Variants in PTPRN2 observed in about 807,000 individuals in gnomAD.
PTPRN2 encodes the protein protein tyrosine phosphatase receptor type N2, also known as receptor-type tyrosine-protein phosphatase N2.
PTPRN2 carries 74 observed loss-of-function variants against 118.8 expected under a neutral mutation model. The observed-to-expected ratio is 0.62, with a 90% confidence interval of 0.52 to 0.76. The LOEUF is 0.76. Among genes scored for constraint, PTPRN2 ranks in the 30% least tolerant of loss-of-function variants. The pLI is 0.00. For missense variants in PTPRN2, 1,481 were observed against 1,394.4 expected, an observed-to-expected ratio of 1.06 and a Z score of -0.99; for synonymous variants, 641 against 608.0, an observed-to-expected ratio of 1.05 and a Z score of -0.80.
intron 14 of PTPRN2, among the ~76,000 whole-genome samples, chr7:157,634,135 CA>C (rs150360636): frequency 0.017 from 2,637 of 152,290 alleles, 98 homozygotes; most frequent in African/African-American, 0.061. Flanking sequence ...CTTCCTCACA[CA>C]CCTAAGTTGT....
chr7:157,636,042 A>G (rs1804298008), intron 14 of PTPRN2, among the ~76,000 whole-genome samples: 1 of 152,220 alleles, frequency 6.6e-6, no homozygotes, highest in South Asian at 2.1e-4. Context: ...CCACTAAAAC[A>G]TTTTCTTCAA....
chr7:158,329,506 T>C (rs1044132594), intron 2 of PTPRN2, among the ~76,000 whole-genome samples: 2 of 152,024 alleles, frequency 1.3e-5, no homozygotes, highest in African/African-American at 4.8e-5. Flanking sequence ...CGGCTCACGC[T>C]CCAGCCACAT....
chr7:158,325,878 C>T (rs1002607195), intron 2 of PTPRN2, among the ~76,000 whole-genome samples: 11 of 152,250 alleles, frequency 7.2e-5, no homozygotes, highest in Admixed American at 4.6e-4. Context: ...CAAATGCATC[C>T]GCTCTTGCGG....
intron 9 of PTPRN2, among the ~76,000 whole-genome samples, chr7:158,130,592 C>A (rs79649117): frequency 1.3e-5 from 2 of 151,172 alleles, no homozygotes; most frequent in East Asian, 3.9e-4. Flanking sequence ...TATGCACAAA[C>A]CAATACACAT....
rs1799760577 is a variant in PTPRN2 at position 157,729,232 on chromosome 7, T to A, written c.1789-46295A>T. ...CCATCTTTGAATCTTCATGTATTTT[T>A]AAAAAAGAATGAATTTAAAACTCTA... On this transcript the variant is annotated intron_variant, in intron 12 of 22. Transcript: ENST00000389418. This position sits in a 1 kb window ranked among gnomAD's most constrained non-coding sequence, Gnocchi z 4.3. Among the ~76,000 whole-genome samples the A allele has an allele frequency of 6.6e-6, 1 of 152,146 alleles. No individual in the cohort carries two copies. The highest frequency in any genetic ancestry group is 2.1e-4 in the South Asian group (1 of 4,824).
At position 158,015,511 on chromosome 7, in the gene PTPRN2, G is replaced by A. The variant is rs772232631; in HGVS notation, c.1723+65787C>T. On this transcript the variant is annotated intron_variant, in intron 11 of 22. Transcript: ENST00000389418. The surrounding 1 kb of genome is among the most constrained non-coding windows in gnomAD (Gnocchi z 4.2). The stretch of plus-strand genomic sequence containing the variant: ...AGGGAGAGAGGGAGATAGAGGGAGG[G>A]GTGGGAGGAAGACAGAAAGGTCCTC... Among the ~76,000 whole-genome samples, 2 of 151,564 alleles carry A rather than the reference G, an allele frequency of 1.3e-5. No individual in the cohort carries two copies. The highest frequency in any genetic ancestry group is 2.9e-5 in the Non-Finnish European group (2 of 67,930).
At chr7:157,913,518 G>C (rs1373191813) in intron 11 of PTPRN2, among the ~76,000 whole-genome samples, 1 of 152,182 alleles carries the variant, frequency 6.6e-6, no homozygotes, top group African/African-American at 2.4e-5. Flanking sequence ...TTGCTGGGAA[G>C]CATGATGTTT....
At chr7:157,837,544 G>A (rs1808059697) in intron 12 of PTPRN2, among the ~76,000 whole-genome samples, 1 of 151,406 alleles carries the variant, frequency 6.6e-6, no homozygotes, top group Admixed American at 6.6e-5. Flanking sequence ...TGTGGAGGTC[G>A]ACTCCCCAGC....
At chr7:158,411,240 C>T (rs1049631995) in intron 2 of PTPRN2, among the ~76,000 whole-genome samples, 2 of 152,244 alleles carry the variant, frequency 1.3e-5, no homozygotes, top group African/African-American at 4.8e-5. Context: ...CTTCTTCACA[C>T]GCTTCCCAGT....
chr7:158,506,435 T>C (rs1822751956), intron 1 of PTPRN2, among the ~76,000 whole-genome samples: 1 of 152,140 alleles, frequency 6.6e-6, no homozygotes, highest in Non-Finnish European at 1.5e-5. Context: ...TGGTGGCAAT[T>C]GTGCAGAGCA....
chr7:158,115,351 T>G (rs1402392758), intron 9 of PTPRN2, among the ~76,000 whole-genome samples: 8 of 152,100 alleles, frequency 5.3e-5, no homozygotes, highest in Admixed American at 5.2e-4. Flanking sequence ...GGTCATAGAC[T>G]GCGATGTGTC....
chr7:158,451,835 A>G (rs553571673), intron 2 of PTPRN2, among the ~76,000 whole-genome samples: 5 of 152,342 alleles, frequency 3.3e-5, no homozygotes, highest in Non-Finnish European at 5.9e-5. Context: ...TTCCTTAAAA[A>G]AATTAATTCC....
intron 6 of PTPRN2, among the ~76,000 whole-genome samples, chr7:158,153,866 C>T (rs1821437819): frequency 6.9e-6 from 1 of 144,990 alleles, no homozygotes; most frequent in Admixed American, 7.1e-5. Context: ...GAGCAGCCGG[C>T]TGGTGGGGAG....
intron 3 of PTPRN2, among the ~76,000 whole-genome samples, chr7:158,240,866 C>T (rs1409228069): frequency 6.6e-6 from 1 of 152,260 alleles, no homozygotes; most frequent in African/African-American, 2.4e-5. Context: ...ATACAATTCT[C>T]AGTCTAAGGC....
intron 4 of PTPRN2, among the ~76,000 whole-genome samples, chr7:158,200,844 C>T (rs542520575): frequency 2.0e-5 from 3 of 152,070 alleles, no homozygotes; most frequent in African/African-American, 7.2e-5. Context: ...TAATTTAGAA[C>T]AAAAGCAAGT....
intron 12 of PTPRN2, among the ~76,000 whole-genome samples, chr7:157,826,702 C>T (rs555041969): frequency 2.6e-5 from 4 of 152,150 alleles, no homozygotes; most frequent in South Asian, 2.1e-4. Flanking sequence ...GTAATCTCAG[C>T]GGAGCCTGGC....
intron 5 of PTPRN2, among the ~76,000 whole-genome samples, chr7:158,189,819 C>A (rs1410903865): frequency 6.6e-6 from 1 of 152,238 alleles, no homozygotes; most frequent in Non-Finnish European, 1.5e-5. Flanking sequence ...GGCCCCACAG[C>A]CCTTCTGATA....
rs188609589 is a variant in PTPRN2 at position 158,585,733 on chromosome 7, T to G, written c.112+1825A>C. On this transcript the variant is annotated intron_variant, in intron 1 of 22. Coordinates refer to ENST00000389418, the MANE Select transcript of PTPRN2 (RefSeq NM_002847.5). Reference sequence around the variant, plus strand: ...TGGAAGAATGCTGTGAACTAGCCATTGCAATGGCAAGGAAAGCAGTCAAGG... The same window carrying G: ...TGGAAGAATGCTGTGAACTAGCCATGGCAATGGCAAGGAAAGCAGTCAAGG... Among the ~76,000 whole-genome samples, 1,500 of 152,312 alleles carry G rather than the reference T, an allele frequency of 9.8e-3. 16 individuals carry two copies. The highest frequency in any genetic ancestry group is 0.027 in the Middle Eastern group (8 of 294).
rs532311889 is a variant in PTPRN2 at position 158,429,898 on chromosome 7, CTTT to C, written c.163+59834_163+59836del. The stretch of plus-strand genomic sequence containing the variant: ...CCGTACTCGTGGGACATAAACTGTT[CTTT>C]TTCTTTTCTTTTCTTTTTTCTTTTG... On this transcript the variant is annotated intron_variant, in intron 2 of 22. Coordinates refer to ENST00000389418, the MANE Select transcript of PTPRN2 (RefSeq NM_002847.5). Among the ~76,000 whole-genome samples the C allele has an allele frequency of 6.7e-3, 1,021 of 152,144 alleles. 10 individuals carry two copies. The highest frequency in any genetic ancestry group is 0.023 in the African/African-American group (955 of 41,528).
Sources: allele counts gnomAD v4.1 joint callset (sites outside exome capture counted in the v4.1 genomes callset), GRCh38; gene constraint gnomAD v4.1.1; non-coding constraint Gnocchi (gnomAD v3.1); transcripts MANE v1.5; gene names NCBI Gene and HGNC (gene_info 2026-07-23, HGNC 2026-07-21).